HCFC2: variants seen among roughly 807,000 people sequenced by gnomAD.
HCFC2 encodes host cell factor C2.
HCFC2 carries 18 observed loss-of-function variants against 89.2 expected under a neutral mutation model. That is an observed-to-expected ratio of 0.20 (90% CI 0.14 to 0.30). HCFC2 has a LOEUF of 0.30. Among genes scored for constraint, HCFC2 ranks in the 10% least tolerant of loss-of-function variants. The probability of loss-of-function intolerance (pLI) is 1.00; values close to 1 mark genes in which losing one functional copy is unlikely to be tolerated. For synonymous variants in HCFC2, 308 were observed against 335.7 expected (o/e 0.92, Z 0.90); for missense variants, 578 against 956.1 (o/e 0.60, Z 5.21).
At chr12:104,073,299 G>C (rs927256901) in intron 3 of HCFC2, among the ~76,000 whole-genome samples, 1 of 151,446 alleles carries the variant, frequency 6.6e-6, no homozygotes, top group Non-Finnish European at 1.5e-5. Context: ...CAGGTAGCTG[G>C]GATTACAGGC....
chr12:104,083,790 C>G (rs1220766090), intron 7 of HCFC2, among the ~76,000 whole-genome samples: 3 of 152,122 alleles, frequency 2.0e-5, no homozygotes, highest in Admixed American at 2.0e-4. Context: ...CTTTGGGAAG[C>G]TGAGGCAGGA....
chr12:104,066,979 G>T (rs1441563786), intron 2 of HCFC2, among the ~76,000 whole-genome samples: 3 of 152,176 alleles, frequency 2.0e-5, no homozygotes, highest in Admixed American at 6.5e-5. Context: ...GTAGAGACGG[G>T]TTTTCACCAT....
rs757126528 is a variant in HCFC2 at position 104,095,605 on chromosome 12, G to A, written c.1666+42G>A. On this transcript the variant is annotated intron_variant, in intron 11 of 14. Coordinates refer to ENST00000229330, the MANE Select transcript of HCFC2 (RefSeq NM_013320.3). This position sits in a 1 kb window ranked among gnomAD's most constrained non-coding sequence, Gnocchi z 4.2. ...ACATACTGTATTTTGAACCATTTAT[G>A]TATATAAATTCATCAAACTTACTTG... The A allele has an allele frequency of 4.8e-6, 7 of 1,469,354 alleles. No individual in the cohort carries two copies. Among genetic ancestry groups the A allele is most frequent in the Admixed American group, 1.8e-5 (1 of 56,530 alleles). 91.0% of individuals were successfully genotyped at this position (1,469,354 alleles called of 1,614,324 possible).
Position 104,103,608 on chromosome 12 carries a change from A to T in HCFC2, c.*335A>T. ...CAGTCATCCTAGAGTTATTGAGATG[A>T]TTCTGGTAACTGGCTGTTGTATACT... On this transcript the variant is annotated 3_prime_UTR_variant, in exon 15 of 15. Transcript: ENST00000229330. 1 of 239,844 alleles carries T rather than the reference A, an allele frequency of 4.2e-6. No homozygotes were observed. The highest frequency in any genetic ancestry group is 7.2e-5 in the South Asian group (1 of 13,978). The allele number at this position is 239,844 out of a possible 1,614,324, so 14.9% of individuals were successfully genotyped here.
rs151076603 is a variant in HCFC2, at chr12:104,084,178, T to C, written c.1063+1277T>C. ...CGAACAAGACTGATAGTGCGCCTGC[T>C]CTCACAAAGAACTTACATTCTGAGG... is the stretch of plus-strand genomic sequence containing the variant. On this transcript the variant is annotated intron_variant, in intron 7 of 14. Transcript: ENST00000229330. Among the ~76,000 whole-genome samples the C allele has an allele frequency of 4.0e-3, 606 of 152,336 alleles. 3 individuals carry two copies. The highest frequency in any genetic ancestry group is 0.014 in the African/African-American group (575 of 41,570).
intron 10 of HCFC2, among the ~76,000 whole-genome samples, chr12:104,093,918 G>C (rs1163655680): frequency 2.0e-5 from 3 of 152,060 alleles, no homozygotes; most frequent in Non-Finnish European, 2.9e-5. Context: ...GATACACAGA[G>C]ACTAAAGCAG....
chr12:104,093,140 A>C (rs1884072732), intron 9 of HCFC2, among the ~76,000 whole-genome samples: 1 of 152,148 alleles, frequency 6.6e-6, no homozygotes, highest in Admixed American at 6.5e-5. Context: ...TTTTCCTCAA[A>C]ATATACTCTC....
At chr12:104,088,066 TG>T in intron 9 of HCFC2, 28 bp downstream of exon 9, 1 of 1,482,988 alleles carries the variant, frequency 6.7e-7, no homozygotes, top group Non-Finnish European at 9.4e-7. Context: ...TGAAGGTAAT[TG>T]GATGTTTATG....
At position 104,095,792 on chromosome 12, in the gene HCFC2, A is replaced by T. The variant is rs1354446371; in HGVS notation, c.1666+229A>T. 6.6e-6 allele frequency among the ~76,000 whole-genome samples: 1 copy of T among 152,080 alleles called. No individual in the cohort carries two copies. The highest frequency in any genetic ancestry group is 1.5e-5 in the Non-Finnish European group (1 of 68,002). On this transcript the variant is annotated intron_variant, in intron 11 of 14. Coordinates refer to ENST00000229330, the MANE Select transcript of HCFC2 (RefSeq NM_013320.3). This position sits in a 1 kb window ranked among gnomAD's most constrained non-coding sequence, Gnocchi z 4.2. ...TTCTATCATGACTTTATGGATTTTG[A>T]CCATATATTTACCTTTATCAGCTTT...
At chr12:104,071,436 C>T (rs931622790) in intron 3 of HCFC2, among the ~76,000 whole-genome samples, 1 of 152,252 alleles carries the variant, frequency 6.6e-6, no homozygotes, top group African/African-American at 2.4e-5. Context: ...GTTTAAAGCA[C>T]ACATTCATTT....
intron 12 of HCFC2, 164 bp from the exon 13 acceptor site, chr12:104,098,179 G>T: frequency 2.0e-6 from 1 of 500,458 alleles, no homozygotes. Context: ...CTGTTTCACT[G>T]TCAGTTGACC....
rs1027060946 is a variant in HCFC2 at position 104,074,789 on chromosome 12, G to T, written c.474-4656G>T. On this transcript the variant is annotated intron_variant, in intron 3 of 14. Coordinates refer to ENST00000229330, the MANE Select transcript of HCFC2 (RefSeq NM_013320.3). ...AGGGTGCTATTGTAATCTGATTTGA[G>T]TATCAGGATTATGTTATCCTTGAAA... is the stretch of plus-strand genomic sequence containing the variant. 2.0e-5 allele frequency among the ~76,000 whole-genome samples: 3 copies of T among 152,094 alleles called. No homozygotes were observed. In the East Asian group the frequency reaches 5.8e-4, roughly 29 times the overall value.
intron 3 of HCFC2, among the ~76,000 whole-genome samples, chr12:104,076,122 TTGTC>T (rs1813754945): frequency 6.6e-6 from 1 of 152,266 alleles, no homozygotes; most frequent in African/African-American, 2.4e-5. Context: ...ACAAGGTTCT[TTGTC>T]TATTAAATCA....
rs924823356 is a variant in HCFC2 at position 104,103,928 on chromosome 12, G to A, written c.*655G>A. The A allele has an allele frequency of 3.3e-5, 5 of 152,018 alleles. No homozygotes were observed. Among genetic ancestry groups the A allele is most frequent in the African/African-American group, 1.2e-4 (5 of 41,434 alleles). 9.4% of individuals were successfully genotyped at this position (152,018 alleles called of 1,614,324 possible). On this transcript the variant is annotated 3_prime_UTR_variant, in exon 15 of 15. Coordinates refer to ENST00000229330, the MANE Select transcript of HCFC2 (RefSeq NM_013320.3). Reference sequence around the variant, plus strand: ...CAATGAGTTTTCTTGATTCTTACCAGGCCAATATATTTGAATATATTTTTG... The same window carrying A: ...CAATGAGTTTTCTTGATTCTTACCAAGCCAATATATTTGAATATATTTTTG...
intron 7 of HCFC2, among the ~76,000 whole-genome samples, 158 bp downstream of exon 7, chr12:104,083,059 T>C (rs184950187): frequency 2.0e-5 from 3 of 152,328 alleles, no homozygotes. Flanking sequence ...TCCTGAGAAG[T>C]ATATAATTAT....
At position 104,087,024 on chromosome 12, in the gene HCFC2, T is replaced by C. The variant is rs1883873542; in HGVS notation, c.1231+10T>C. 3 of 1,612,736 alleles carry C rather than the reference T, an allele frequency of 1.9e-6. No homozygotes were observed. Among genetic ancestry groups the C allele is most frequent in the Non-Finnish European group, 1.7e-6 (2 of 1,179,112 alleles). On this transcript the variant is annotated intron_variant, in intron 8 of 14. Transcript: ENST00000229330. ...GCACCAAATATGCAAGGTAACATAA[T>C]TTTCATGCTTAAAGTATGTGTGCTC...
intron 14 of HCFC2, 108 bp from the exon 15 acceptor site, chr12:104,102,851 A>G (rs1417363176): frequency 1.1e-6 from 1 of 926,136 alleles, no homozygotes. Flanking sequence ...TAATGCAATT[A>G]TTTTAGTAAA....
intron 10 of HCFC2, among the ~76,000 whole-genome samples, chr12:104,094,216 G>A (rs961432749): frequency 1.1e-4 from 16 of 152,142 alleles, no homozygotes; most frequent in African/African-American, 3.4e-4. Context: ...CTTAGGCCTG[G>A]AGTCTAGAAG....
intron 9 of HCFC2, among the ~76,000 whole-genome samples, chr12:104,090,529 G>T (rs1883993312): frequency 6.7e-6 from 1 of 150,150 alleles, no homozygotes; most frequent in Non-Finnish European, 1.5e-5. Context: ...CTCTGATTTT[G>T]CTTTTTATCT....
Sources: allele counts gnomAD v4.1 joint callset (sites outside exome capture counted in the v4.1 genomes callset), GRCh38; gene constraint gnomAD v4.1.1; non-coding constraint Gnocchi (gnomAD v3.1); transcripts MANE v1.5; gene names NCBI Gene and HGNC (gene_info 2026-07-23, HGNC 2026-07-21).